The following RTL4 variants were observed in gnomAD, a reference collection of about 807,000 sequenced individuals.
RTL4 encodes retrotransposon Gag-like protein 4.
In RTL4, 4 loss-of-function variants were observed where a neutral mutation model predicts 5.3. That is an observed-to-expected ratio of 0.75 (90% CI 0.37 to 1.72). The LOEUF (loss-of-function observed/expected upper bound fraction) is 1.72, where lower values mean the gene tolerates loss of function less well. Ranked by LOEUF, RTL4 falls within the 40% of genes most tolerant of loss-of-function variation. The pLI is 0.04. For missense variants in RTL4, 260 were observed against 227.1 expected (o/e 1.14, Z -0.93); for synonymous variants, 98 against 87.3 (o/e 1.12, Z -0.68).
the RTL4 span, among the ~76,000 whole-genome samples, chrX:112,122,302 C>T: frequency 9.0e-6 from 1 of 111,111 alleles, no homozygotes. Flanking sequence ...AACTGGAGGT[C>T]ATTATGTTAA....
At chrX:112,351,235 T>A in the RTL4 span, among the ~76,000 whole-genome samples, 1 of 109,370 alleles carries the variant, frequency 9.1e-6, no homozygotes, top group Non-Finnish European at 1.9e-5. Flanking sequence ...TGAGAGACAG[T>A]TTGTTATAAT....
At chrX:112,291,367 T>TACAC in the RTL4 span, among the ~76,000 whole-genome samples, 2,469 of 95,364 alleles carry the variant, frequency 0.026, 30 homozygotes, top group South Asian at 0.034. Flanking sequence ...TGTATGTTTG[T>TACAC]ACACACACAC....
At chrX:112,174,471 C>T in the RTL4 span, among the ~76,000 whole-genome samples, 1 of 105,344 alleles carries the variant, frequency 9.5e-6, no homozygotes, top group Non-Finnish European at 1.9e-5. Flanking sequence ...TTTCTTAATC[C>T]AGTCTATCAT....
the RTL4 span, among the ~76,000 whole-genome samples, chrX:112,183,133 A>G: frequency 8.9e-6 from 1 of 112,513 alleles, no homozygotes; most frequent in African/African-American, 3.2e-5. Flanking sequence ...TGTCACCACC[A>G]GGCCTGCCTT....
the RTL4 span, among the ~76,000 whole-genome samples, chrX:112,205,640 C>T: frequency 1.8e-5 from 2 of 111,462 alleles, no homozygotes; most frequent in East Asian, 5.7e-4. Context: ...CACACACAGG[C>T]ACACATACAC....
At chrX:112,354,359 A>G in the RTL4 span, among the ~76,000 whole-genome samples, 566 of 111,139 alleles carry the variant, frequency 5.1e-3, 3 homozygotes, top group African/African-American at 0.018. Flanking sequence ...ATAGTACCTA[A>G]CCTTCCTCAT....
chrX:112,432,177 G>C, the RTL4 span, among the ~76,000 whole-genome samples: 1 of 105,188 alleles, frequency 9.5e-6, no homozygotes, highest in Non-Finnish European at 2.0e-5. Flanking sequence ...TGTGAATAGT[G>C]CCACAATAAA....
chrX:112,087,328 GC>G, the RTL4 span, among the ~76,000 whole-genome samples: 17 of 101,622 alleles, frequency 1.7e-4, no homozygotes, highest in African/African-American at 6.5e-4. Flanking sequence ...TTGGTCTTCA[GC>G]TTTTTTTTTT....
At chrX:112,413,276 C>T in the RTL4 span, among the ~76,000 whole-genome samples, 1 of 111,478 alleles carries the variant, frequency 9.0e-6, no homozygotes, top group South Asian at 3.8e-4. Flanking sequence ...ATTAATACAA[C>T]TGTGGAGAAT....
chrX:112,348,160 C>CT, the RTL4 span, among the ~76,000 whole-genome samples: 14 of 105,883 alleles, frequency 1.3e-4, no homozygotes, highest in South Asian at 2.0e-3. Context: ...GATATTAACT[C>CT]TTTTTTTTTT....
chrX:112,169,087 TCTTTC>T, the RTL4 span, among the ~76,000 whole-genome samples: 1 of 40,864 alleles, frequency 2.4e-5, no homozygotes, highest in Admixed American at 3.8e-4. Flanking sequence ...TTCTTTCTTT[TCTTTC>T]TTTCTTTCTT....
At chrX:112,246,120 G>A in the RTL4 span, among the ~76,000 whole-genome samples, 6 of 112,008 alleles carry the variant, frequency 5.4e-5, no homozygotes, top group African/African-American at 1.6e-4. Context: ...GGCTGTATGA[G>A]GTGTCTGTCA....
the RTL4 span, among the ~76,000 whole-genome samples, chrX:112,429,899 G>C: frequency 9.0e-6 from 1 of 111,456 alleles, no homozygotes; most frequent in Non-Finnish European, 1.9e-5. Context: ...TGTCTGAATA[G>C]AAATGTGATG....
chrX:112,146,831 C>T, the RTL4 span, among the ~76,000 whole-genome samples: 3 of 107,734 alleles, frequency 2.8e-5, no homozygotes, highest in African/African-American at 1.0e-4. Context: ...TAAGGACTAA[C>T]TGGAACTACT....
At position 112,455,383 on chromosome X, in the gene RTL4, C is replaced by T. The variant is rs751340666; in HGVS notation, c.655C>T (p.His219Tyr). The T allele has an allele frequency of 3.1e-5, 37 of 1,209,665 alleles. No individual in the cohort carries two copies. The highest frequency in any genetic ancestry group is 4.1e-5 in the Non-Finnish European group (37 of 895,231). The change falls in exon 1 of 1, where the codon CAT (histidine) becomes TAT (tyrosine). Residue 219 changes from histidine (H) to tyrosine (Y), a missense_variant. Transcript: ENST00000340433. ...TCAGTGCATTCAGTTGGACAAGAAA[C>T]ATAGTGACAGGCCAGAGCTCCTACA...
At chrX:112,197,801 T>G in the RTL4 span, among the ~76,000 whole-genome samples, 1 of 111,833 alleles carries the variant, frequency 8.9e-6, no homozygotes, top group Non-Finnish European at 1.9e-5. Flanking sequence ...ATTTTTGCAT[T>G]TGTTTGTCTT....
chrX:112,420,461 C>T, the RTL4 span, among the ~76,000 whole-genome samples: 1 of 111,362 alleles, frequency 9.0e-6, no homozygotes, highest in Non-Finnish European at 1.9e-5. Flanking sequence ...GGCGGATCAG[C>T]GAGCCCTGCC....
the RTL4 span, among the ~76,000 whole-genome samples, chrX:112,252,114 C>G: frequency 5.4e-5 from 6 of 112,057 alleles, no homozygotes; most frequent in African/African-American, 1.6e-4. Context: ...CACGACATCT[C>G]TCAGTGAAAT....
the RTL4 span, among the ~76,000 whole-genome samples, chrX:112,224,444 C>T: frequency 1.2e-3 from 126 of 109,165 alleles, no homozygotes; most frequent in East Asian, 9.7e-3. Flanking sequence ...CAGGTTCAAG[C>T]GATTCTTGTG....
Sources: gnomAD v4.1 joint callset for allele counts (sites outside exome capture counted in the v4.1 genomes callset) on GRCh38, gnomAD v4.1.1 for gene constraint, MANE v1.5 for transcripts, NCBI Gene and HGNC (gene_info 2026-07-23, HGNC 2026-07-21) for gene names.